PSMC2: variants seen among roughly 807,000 people sequenced by gnomAD.
PSMC2 encodes 26S proteasome regulatory subunit 7.
Under a neutral mutation model 53.3 loss-of-function variants are expected in PSMC2, and 7 were observed. The ratio of observed to expected loss-of-function variants is 0.13; its 90% CI spans 0.07 to 0.25. The LOEUF is 0.25. PSMC2 is among the 10% of genes least tolerant of loss of function. The probability of loss-of-function intolerance (pLI) is 1.00; values close to 1 mark genes in which losing one functional copy is unlikely to be tolerated. For synonymous variants in PSMC2, 169 were observed against 183.9 expected (o/e 0.92, Z 0.66); for missense variants, 241 against 544.0 (o/e 0.44, Z 5.54).
Position 103,367,365 on chromosome 7 carries a change from T to A in PSMC2, c.845-48T>A. The A allele has an allele frequency of 6.3e-7, 1 of 1,582,066 alleles. No homozygotes were observed. Among genetic ancestry groups the A allele is most frequent in the East Asian group, 2.2e-5 (1 of 44,732 alleles). ...GGTACTTTCAGGTCATGCATAGTGC[T>A]ACTCTTGAGTGGACTTGAAGAGCTT... On this transcript the variant is annotated intron_variant, in intron 9 of 11. Coordinates refer to ENST00000292644, the MANE Select transcript of PSMC2 (RefSeq NM_002803.4). This position sits in a 1 kb window ranked among gnomAD's most constrained non-coding sequence, Gnocchi z 6.1.
chr7:103,361,365 C>G (rs1820391550), intron 4 of PSMC2, among the ~76,000 whole-genome samples: 1 of 149,676 alleles, frequency 6.7e-6, no homozygotes, highest in African/African-American at 2.5e-5. Context: ...ACAAAATTAG[C>G]TAGGCATGGT....
In PSMC2 at chr7:103,347,752, A is replaced by C. The variant is rs1230656057; in HGVS notation, c.41A>C (p.Glu14Ala). The change falls in exon 1 of 12, where the codon GAG becomes GCG. Residue 14 changes from glutamate to alanine, a missense_variant. Coordinates refer to ENST00000292644, the MANE Select transcript of PSMC2 (RefSeq NM_002803.4). ...YLGADQRKTK[E>A]DEKDDKPIRA... ...GGTGCCGATCAGCGGAAGACCAAAG[A>C]GGATGAGAAGGACGACAAGCCCATC... 27 of 1,613,940 alleles carry C rather than the reference A, an allele frequency of 1.7e-5. No individual in the cohort carries two copies. Among genetic ancestry groups the C allele is most frequent in the Non-Finnish European group, 2.2e-5 (26 of 1,179,838 alleles).
At chr7:103,356,603 A>G (rs375161683) in intron 4 of PSMC2, among the ~76,000 whole-genome samples, 3 of 152,200 alleles carry the variant, frequency 2.0e-5, no homozygotes, top group Admixed American at 6.5e-5. Flanking sequence ...TTTACTAAAC[A>G]TCTGTATTTC....
chr7:103,352,839 C>G (rs1159277169), intron 1 of PSMC2: 1 of 780,646 alleles, frequency 1.3e-6, no homozygotes, highest in Non-Finnish European at 2.4e-6. Context: ...CATTCAAACC[C>G]TGTCCACCTG....
At position 103,367,744 on chromosome 7, in the gene PSMC2, G is replaced by A. The variant is rs772460361; in HGVS notation, c.1079G>A (p.Arg360His). The A allele has an allele frequency of 3.1e-6, 5 of 1,613,612 alleles. No individual in the cohort carries two copies. The highest frequency in any genetic ancestry group is 4.2e-6 in the Non-Finnish European group (5 of 1,179,868). The change falls in exon 11 of 12, where the codon CGT becomes CAT. Residue 360 changes from arginine to histidine, a missense_variant. Coordinates refer to ENST00000292644, the MANE Select transcript of PSMC2 (RefSeq NM_002803.4). The surrounding 1 kb of genome is among the most constrained non-coding windows in gnomAD (Gnocchi z 6.1). Reference protein sequence around the residue: ...GRTHIFKIHARSMSVERDIRF... With the variant: ...GRTHIFKIHAHSMSVERDIRF... ...ACCCACATATTTAAGATTCACGCTCGTTCAATGAGTGTTGAAAGAGATATC... is the reference window on the plus strand; with the variant it reads ...ACCCACATATTTAAGATTCACGCTCATTCAATGAGTGTTGAAAGAGATATC...
At chr7:103,359,172 A>ATTTTTTTTTTTTT (rs1586155184) in intron 4 of PSMC2, among the ~76,000 whole-genome samples, 3 of 58,420 alleles carry the variant, frequency 5.1e-5, no homozygotes, top group Admixed American at 2.3e-4. Flanking sequence ...TTTTTTTTTA[A>ATTTTTTTTTTTTT]TTTTTAGTAG....
chr7:103,347,732 C>A lies in PSMC2; in HGVS notation c.21C>A (p.Ala7=), dbSNP rs774306934. The change falls in exon 1 of 12, where the codon GCC becomes GCA. Residue 7 remains alanine (A), a synonymous_variant. Transcript: ENST00000292644. MPDYLG[A]DQRKTKEDEK... ...CTAAAATGCCGGATTACCTCGGTGC[C>A]GATCAGCGGAAGACCAAAGAGGATG... is the stretch of plus-strand genomic sequence containing the variant. 1.9e-6 allele frequency: 3 copies of A among 1,613,700 alleles called. No homozygotes were observed. The African/African-American group carries it at 4.0e-5, about 22-fold the overall frequency.
chr7:103,356,126 G>A (rs1286693550), intron 4 of PSMC2, among the ~76,000 whole-genome samples: 2 of 150,530 alleles, frequency 1.3e-5, no homozygotes, highest in African/African-American at 2.4e-5. Context: ...GTATCTTCCT[G>A]TATTTGCATG....
At position 103,361,510 on chromosome 7, in the gene PSMC2, CAAAAAAAAAAAA is replaced by C. The variant is rs759044767; in HGVS notation, c.291-435_291-424del. On this transcript the variant is annotated intron_variant, in intron 4 of 11. Coordinates refer to ENST00000292644, the MANE Select transcript of PSMC2 (RefSeq NM_002803.4). ...GGGCAACAAGAGTGAAACTCCATCTCAAAAAAAAAAAAAAAAAAAAAAAGAAAAACGGATTTA... is the reference window on the plus strand; with the variant it reads ...GGGCAACAAGAGTGAAACTCCATCTCAAAAAAAAAAAGAAAAACGGATTTA... Among the ~76,000 whole-genome samples, 7 of 51,076 alleles carry C rather than the reference CAAAAAAAAAAAA, an allele frequency of 1.4e-4. No homozygotes were observed. The South Asian group carries it at 2.5e-3, about 19-fold the overall frequency. The allele number at this position is 51,076 out of a possible 152,430, so 33.5% of individuals were successfully genotyped here.
chr7:103,349,994 C>A (rs750934774), intron 1 of PSMC2, among the ~76,000 whole-genome samples: 2 of 152,132 alleles, frequency 1.3e-5, no homozygotes, highest in African/African-American at 2.4e-5. Context: ...CTGTTTTAAT[C>A]CTGCCTTAGA....
intron 6 of PSMC2, 62 bp downstream of exon 6, chr7:103,362,820 G>T: frequency 2.4e-6 from 3 of 1,227,296 alleles, no homozygotes; most frequent in Non-Finnish European, 3.5e-6. Context: ...TTTTGAGGCG[G>T]AGTTTCACTC....
At chr7:103,362,187 T>G in intron 5 of PSMC2, 99 bp downstream of exon 5, 1 of 1,555,628 alleles carries the variant, frequency 6.4e-7, no homozygotes, top group Non-Finnish European at 8.6e-7. Flanking sequence ...CTGAGTTCCT[T>G]GGAATACCAA....
intron 4 of PSMC2, among the ~76,000 whole-genome samples, chr7:103,358,238 T>C (rs528826269): frequency 3.3e-5 from 5 of 152,312 alleles, no homozygotes; most frequent in Non-Finnish European, 4.4e-5. Context: ...CTCAGTCCTG[T>C]ATATGTGGCC....
At chr7:103,361,510 C>CAAAAAA (rs759044767) in intron 4 of PSMC2, among the ~76,000 whole-genome samples, 286 of 50,578 alleles carry the variant, frequency 5.7e-3, no homozygotes, top group East Asian at 0.015. Context: ...AACTCCATCT[C>CAAAAAA]AAAAAAAAAA....
intron 1 of PSMC2, among the ~76,000 whole-genome samples, chr7:103,349,214 C>G (rs993323610): frequency 6.6e-6 from 1 of 152,046 alleles, no homozygotes; most frequent in Non-Finnish European, 1.5e-5. Flanking sequence ...AAAGCATTTC[C>G]TTTCTACCTT....
chr7:103,347,806 G>C, intron 1 of PSMC2, 25 bp downstream of exon 1: 1 of 1,613,242 alleles, frequency 6.2e-7, no homozygotes, highest in Non-Finnish European at 8.5e-7. Context: ...GCCGGAGCTC[G>C]GAGCTGGGGC....
intron 8 of PSMC2, among the ~76,000 whole-genome samples, chr7:103,364,981 A>ATATATATATATATATG (rs950613120): frequency 7.1e-6 from 1 of 140,802 alleles, no homozygotes; most frequent in Non-Finnish European, 1.5e-5. Flanking sequence ...ATATATATAT[A>ATATATATATATATATG]TATTTAGAGA....
intron 2 of PSMC2, 115 bp downstream of exon 2, chr7:103,354,073 C>A: frequency 1.3e-5 from 10 of 760,588 alleles, no homozygotes; most frequent in East Asian, 2.9e-5. Context: ...ATTAAAAAAC[C>A]AAACAAAAAA....
rs112629136 is a variant in PSMC2 at position 103,348,665 on chromosome 7, G to A, written c.70+884G>A. 56 of 1,574,638 alleles carry A rather than the reference G, an allele frequency of 3.6e-5. No homozygotes were observed. The African/African-American group carries it at 5.4e-4, about 15-fold the overall frequency. On this transcript the variant is annotated intron_variant, in intron 1 of 11. Coordinates refer to ENST00000292644, the MANE Select transcript of PSMC2 (RefSeq NM_002803.4). ...TTCGGCCAGGGTTCTCGCTCTTGTC[G>A]CGTCTGTTCAAACCGGCACGGTCTG...
Sources: allele counts gnomAD v4.1 joint callset (sites outside exome capture counted in the v4.1 genomes callset), GRCh38; gene constraint gnomAD v4.1.1; non-coding constraint Gnocchi (gnomAD v3.1); transcripts MANE v1.5; gene names NCBI Gene and HGNC (gene_info 2026-07-23, HGNC 2026-07-21).